Variants in KCNIP4 observed in about 807,000 individuals in gnomAD.
The protein encoded by KCNIP4 is potassium voltage-gated channel interacting protein 4.
In KCNIP4, 12 loss-of-function variants were observed where a neutral mutation model predicts 34.0. That is an observed-to-expected ratio of 0.35 (90% confidence interval 0.23 to 0.57). The LOEUF (loss-of-function observed/expected upper bound fraction) is 0.57, where lower values mean the gene tolerates loss of function less well. Among genes scored for constraint, KCNIP4 ranks in the 20% least tolerant of loss-of-function variants. KCNIP4 has a pLI of 0.83. For synonymous variants in KCNIP4, 124 were observed against 102.2 expected (o/e 1.21, Z -1.29); for missense variants, 238 against 311.7 (o/e 0.76, Z 1.78).
chr4:20,902,847 A>G (rs919595613), intron 1 of KCNIP4, among the ~76,000 whole-genome samples: 1 of 152,158 alleles, frequency 6.6e-6, no homozygotes, highest in Non-Finnish European at 1.5e-5. Context: ...GAAAATAACT[A>G]ATAAAAAATT....
At chr4:21,083,296 C>T (rs1577661538) in intron 1 of KCNIP4, among the ~76,000 whole-genome samples, 2 of 151,742 alleles carry the variant, frequency 1.3e-5, no homozygotes, top group African/African-American at 4.9e-5. Context: ...CTTTCCTTCC[C>T]CCTCCTCAGA....
At chr4:21,401,531 C>A (rs1004405414) in intron 1 of KCNIP4, among the ~76,000 whole-genome samples, 5 of 152,136 alleles carry the variant, frequency 3.3e-5, no homozygotes, top group Non-Finnish European at 7.3e-5. Context: ...GTCTGCTGAA[C>A]TTGGGGTAAA....
At chr4:21,701,852 C>T (rs1336193765) in intron 1 of KCNIP4, among the ~76,000 whole-genome samples, 2 of 151,596 alleles carry the variant, frequency 1.3e-5, no homozygotes, top group Non-Finnish European at 2.9e-5. Context: ...TACAGGTGCC[C>T]GCCACCACAC....
intron 1 of KCNIP4, among the ~76,000 whole-genome samples, chr4:21,595,010 G>T (rs146194561): frequency 2.0e-5 from 3 of 152,002 alleles, no homozygotes; most frequent in East Asian, 1.9e-4. Flanking sequence ...TCTGGGATAC[G>T]TGTGCAGAAT....
In KCNIP4 at chr4:20,864,230, A is replaced by G. The variant is rs149117186; in HGVS notation, c.164-13563T>C. Among the ~76,000 whole-genome samples the G allele has an allele frequency of 4.2e-3, 609 of 145,024 alleles. 1 individual carries two copies. The highest frequency in any genetic ancestry group is 6.4e-3 in the Non-Finnish European group (421 of 65,812). On this transcript the variant is annotated intron_variant, in intron 2 of 8. Coordinates refer to ENST00000382152, the MANE Select transcript of KCNIP4 (RefSeq NM_025221.6). ...CACATGCATGTATATATGCATATAT[A>G]TGTACACATATGTATGTATATATGC...
chr4:21,687,767 T>C (rs1162564749), intron 1 of KCNIP4, among the ~76,000 whole-genome samples: 2 of 152,090 alleles, frequency 1.3e-5, no homozygotes, highest in African/African-American at 4.8e-5. Context: ...ACAATGATAA[T>C]ATGAAAATAT....
intron 1 of KCNIP4, among the ~76,000 whole-genome samples, chr4:21,751,652 C>A (rs1230782904): frequency 2.0e-5 from 3 of 152,040 alleles, no homozygotes; most frequent in Admixed American, 6.6e-5. Context: ...TGCATTGATT[C>A]TTTTTATCTC....
intron 1 of KCNIP4, among the ~76,000 whole-genome samples, chr4:21,434,204 A>T (rs2109678316): frequency 6.6e-6 from 1 of 152,286 alleles, no homozygotes; most frequent in Admixed American, 6.5e-5. Flanking sequence ...TCATGTTACA[A>T]TTGAATAATT....
intron 1 of KCNIP4, among the ~76,000 whole-genome samples, chr4:21,337,469 C>G (rs16870854): frequency 0.011 from 1,697 of 152,188 alleles, 33 homozygotes; most frequent in African/African-American, 0.038. Flanking sequence ...AGTCTCCTTG[C>G]GTGCAAGCTT....
intron 1 of KCNIP4, among the ~76,000 whole-genome samples, chr4:21,102,388 G>A (rs532880007): frequency 1.6e-4 from 25 of 152,246 alleles, no homozygotes; most frequent in Non-Finnish European, 3.1e-4. Context: ...TGGGGCATTG[G>A]CTGTGAGAGA....
chr4:21,001,479 G>T (rs374858868), intron 1 of KCNIP4, among the ~76,000 whole-genome samples: 3 of 152,166 alleles, frequency 2.0e-5, no homozygotes, highest in Non-Finnish European at 4.4e-5. Context: ...AACTGGGCGA[G>T]GCTGAATTGC....
chr4:21,543,123 A>G (rs929040744), intron 1 of KCNIP4, among the ~76,000 whole-genome samples: 6 of 152,116 alleles, frequency 3.9e-5, no homozygotes, highest in Admixed American at 1.3e-4. Context: ...ATGAAGTAAA[A>G]TAAAGCTTTC....
At chr4:20,772,556 G>A (rs1755995064) in intron 3 of KCNIP4, among the ~76,000 whole-genome samples, 1 of 152,178 alleles carries the variant, frequency 6.6e-6, no homozygotes, top group South Asian at 2.1e-4. Context: ...CTGCTTTGGT[G>A]AGGCAGGTTC....
At chr4:20,860,842 T>C (rs984303258) in intron 2 of KCNIP4, among the ~76,000 whole-genome samples, 2 of 152,192 alleles carry the variant, frequency 1.3e-5, no homozygotes, top group Admixed American at 1.3e-4. Context: ...AAGGAGGTGA[T>C]GCTATTGTTT....
intron 1 of KCNIP4, among the ~76,000 whole-genome samples, chr4:21,279,661 C>T (rs2109162437): frequency 6.6e-6 from 1 of 151,752 alleles, no homozygotes; most frequent in East Asian, 1.9e-4. Flanking sequence ...CTAGTCTAGG[C>T]ACTGGTGATA....
At chr4:21,933,083 G>C (rs1729661173) in intron 1 of KCNIP4, among the ~76,000 whole-genome samples, 2 of 140,124 alleles carry the variant, frequency 1.4e-5, no homozygotes, top group African/African-American at 2.6e-5. Flanking sequence ...CACCAAAATA[G>C]AGAAAATGAA....
In KCNIP4 at chr4:21,443,687, C is replaced by T. The variant is rs28758359; in HGVS notation, c.61+504884G>A. Among the ~76,000 whole-genome samples, 957 of 152,180 alleles carry T rather than the reference C, an allele frequency of 6.3e-3. 13 individuals are homozygous for T. Among genetic ancestry groups the T allele is most frequent in the African/African-American group, 0.022 (907 of 41,526 alleles). Reference sequence around the variant, plus strand: ...TAACCAGGCTCTTGTAACCCCACCACACTGGGAGCCTGAGGTAAGAGAATT... The same window carrying T: ...TAACCAGGCTCTTGTAACCCCACCATACTGGGAGCCTGAGGTAAGAGAATT... On this transcript the variant is annotated intron_variant, in intron 1 of 8. Coordinates refer to ENST00000382152, the MANE Select transcript of KCNIP4 (RefSeq NM_025221.6).
chr4:21,692,855 A>G (rs1030382824), intron 1 of KCNIP4, among the ~76,000 whole-genome samples: 2 of 119,550 alleles, frequency 1.7e-5, no homozygotes, highest in Non-Finnish European at 3.3e-5. Flanking sequence ...TTTTTTGCCA[A>G]GATTCAACTT....
At position 20,885,296 on chromosome 4, in the gene KCNIP4, T is replaced by C. The variant is rs1440209612; in HGVS notation, c.62-2587A>G. Among the ~76,000 whole-genome samples the C allele has an allele frequency of 4.0e-5, 6 of 149,356 alleles. No individual in the cohort carries two copies. The East Asian group carries it at 1.2e-3, about 29-fold the overall frequency. On this transcript the variant is annotated intron_variant, in intron 1 of 8. Coordinates refer to ENST00000382152, the MANE Select transcript of KCNIP4 (RefSeq NM_025221.6). ...TTCTCGAGGTCATGAGATTCATAAC[T>C]TCCCCAATTACTCCTGCAGATAACA... is the stretch of plus-strand genomic sequence containing the variant.
Sources: allele counts gnomAD v4.1 joint callset (sites outside exome capture counted in the v4.1 genomes callset), GRCh38; gene constraint gnomAD v4.1.1; transcripts MANE v1.5; gene names NCBI Gene and HGNC (gene_info 2026-07-23, HGNC 2026-07-21).